LDAH: variants seen among roughly 807,000 people sequenced by gnomAD.
LDAH encodes lipid droplet associated hydrolase.
In LDAH, 26 loss-of-function variants were observed where a neutral mutation model predicts 29.6. The observed-to-expected ratio is 0.88, with a 90% CI of 0.64 to 1.22. The LOEUF is 1.22. Ranked by LOEUF, LDAH falls within the 50% of genes most tolerant of loss-of-function variation. LDAH has a pLI of 0.00. For missense variants in LDAH, 344 were observed against 387.3 expected (o/e 0.89, Z 0.94); for synonymous variants, 117 against 133.0 (o/e 0.88, Z 0.83).
intron 4 of LDAH, among the ~76,000 whole-genome samples, chr2:20,760,203 T>A (rs949601320): frequency 2.0e-5 from 3 of 151,964 alleles, no homozygotes; most frequent in African/African-American, 7.3e-5. Context: ...GGTAAGATAG[T>A]GTAAAAGCAG....
chr2:20,701,561 A>C lies in LDAH; in HGVS notation c.786+9T>G. The C allele has an allele frequency of 1.2e-6, 2 of 1,612,194 alleles. No homozygotes were observed. Among genetic ancestry groups the C allele is most frequent in the Non-Finnish European group, 1.7e-6 (2 of 1,178,348 alleles). On this transcript the variant is annotated intron_variant, in intron 6 of 6. Transcript: ENST00000237822. ...ATTATCTATCCCCTTGCAGCACTAA[A>C]GTGATTACCTTACATAAATGCTCCT... is the stretch of plus-strand genomic sequence containing the variant.
At chr2:20,747,185 C>A (rs900580225) in intron 4 of LDAH, among the ~76,000 whole-genome samples, 2 of 152,024 alleles carry the variant, frequency 1.3e-5, no homozygotes, top group Admixed American at 6.6e-5. Flanking sequence ...AAAGACTTCA[C>A]CTGTTTATAT....
intron 5 of LDAH, among the ~76,000 whole-genome samples, chr2:20,729,339 T>A (rs769103522): frequency 6.6e-6 from 1 of 152,190 alleles, no homozygotes; most frequent in Non-Finnish European, 1.5e-5. Context: ...CTTGATTATA[T>A]GTTATATGTG....
At position 20,790,414 on chromosome 2, in the gene LDAH, C is replaced by T. The variant is rs1670868173; in HGVS notation, c.155-16G>A. Reference sequence around the variant, plus strand: ...CCTGGGTTACCTAAGAAAAGAAACACAGACCTTAGATTAATCAAAGTAATA... The same window carrying T: ...CCTGGGTTACCTAAGAAAAGAAACATAGACCTTAGATTAATCAAAGTAATA... On this transcript the variant is annotated splice_polypyrimidine_tract_variant and intron_variant, in intron 2 of 6. Transcript: ENST00000237822. The T allele has an allele frequency of 2.5e-6, 4 of 1,610,268 alleles. No homozygotes were observed. The highest frequency in any genetic ancestry group is 3.4e-6 in the Non-Finnish European group (4 of 1,178,266).
chr2:20,818,843 T>C (rs1345155551), intron 1 of LDAH, among the ~76,000 whole-genome samples: 3 of 152,168 alleles, frequency 2.0e-5, no homozygotes, highest in Non-Finnish European at 4.4e-5. Flanking sequence ...GTCCAAGTGG[T>C]AATGAGTGTA....
chr2:20,808,288 G>A (rs1025998854), intron 1 of LDAH, among the ~76,000 whole-genome samples: 1 of 152,158 alleles, frequency 6.6e-6, no homozygotes, highest in South Asian at 2.1e-4. Context: ...TCCAAATCAG[G>A]TCTTTTCCCT....
intron 1 of LDAH, among the ~76,000 whole-genome samples, chr2:20,818,943 T>C (rs188906352): frequency 6.6e-6 from 1 of 152,244 alleles, no homozygotes; most frequent in Non-Finnish European, 1.5e-5. Context: ...TTAATGACTT[T>C]TACATTTTCA....
At chr2:20,778,890 GTTTAAA>G (rs758218204) in intron 3 of LDAH, among the ~76,000 whole-genome samples, 18 of 150,988 alleles carry the variant, frequency 1.2e-4, no homozygotes, top group Non-Finnish European at 2.5e-4. Flanking sequence ...AAGCAAAACA[GTTTAAA>G]TTTAACTACA....
At chr2:20,766,807 A>T (rs1669070581) in intron 4 of LDAH, among the ~76,000 whole-genome samples, 1 of 152,216 alleles carries the variant, frequency 6.6e-6, no homozygotes, top group South Asian at 2.1e-4. Flanking sequence ...CAGGAGCTGC[A>T]ATGGCGGTGG....
intron 6 of LDAH, among the ~76,000 whole-genome samples, chr2:20,699,671 A>G (rs367912135): frequency 2.0e-4 from 31 of 152,320 alleles, no homozygotes; most frequent in African/African-American, 7.5e-4. Context: ...TGCTATCTCA[A>G]AAACAAAACT....
chr2:20,767,883 T>A (rs1572585431), intron 4 of LDAH, among the ~76,000 whole-genome samples: 1 of 151,988 alleles, frequency 6.6e-6, no homozygotes, highest in South Asian at 2.1e-4. Flanking sequence ...TGCCAAGAGA[T>A]CCAGACAAAG....
intron 5 of LDAH, among the ~76,000 whole-genome samples, chr2:20,731,274 C>T (rs1666383996): frequency 1.3e-5 from 2 of 152,202 alleles, no homozygotes; most frequent in South Asian, 4.2e-4. Context: ...AACACCATCC[C>T]CCTTGGTGCT....
intron 2 of LDAH, among the ~76,000 whole-genome samples, chr2:20,800,921 T>A (rs1671614266): frequency 6.6e-6 from 1 of 152,186 alleles, no homozygotes; most frequent in African/African-American, 2.4e-5. Flanking sequence ...CGTGAGCCAT[T>A]GCACCTGGCC....
chr2:20,764,036 C>T (rs1345665499), intron 4 of LDAH, among the ~76,000 whole-genome samples: 1 of 151,424 alleles, frequency 6.6e-6, no homozygotes, highest in Admixed American at 6.6e-5. Flanking sequence ...ATGAAAAAAG[C>T]CCACACAATT....
At chr2:20,737,759 T>A (rs1030890578) in intron 5 of LDAH, among the ~76,000 whole-genome samples, 4 of 152,104 alleles carry the variant, frequency 2.6e-5, no homozygotes, top group African/African-American at 9.7e-5. Context: ...AGAGACTTCA[T>A]TTTGAGTGTG....
intron 5 of LDAH, among the ~76,000 whole-genome samples, chr2:20,739,073 C>T (rs1667001989): frequency 6.6e-6 from 1 of 152,350 alleles, no homozygotes; most frequent in South Asian, 2.1e-4. Flanking sequence ...TAACTTTGGG[C>T]AATCATGTAA....
chr2:20,696,312 A>C (rs2149342842), intron 6 of LDAH, among the ~76,000 whole-genome samples: 1 of 152,320 alleles, frequency 6.6e-6, no homozygotes, highest in East Asian at 1.9e-4. Context: ...AGGCAGGCTA[A>C]GAGGGATGGG....
In LDAH at chr2:20,747,527, G is replaced by A. The variant is rs576478415; in HGVS notation, c.469-7322C>T. Reference sequence around the variant, plus strand: ...TAGCTGTCAAAACATAGGTCTAGAAGTAATCCTAGTTTAGTTTATCTCCTC... The same window carrying A: ...TAGCTGTCAAAACATAGGTCTAGAAATAATCCTAGTTTAGTTTATCTCCTC... On this transcript the variant is annotated intron_variant, in intron 4 of 6. Coordinates refer to ENST00000237822, the MANE Select transcript of LDAH (RefSeq NM_021925.4). Among the ~76,000 whole-genome samples, 6 of 152,302 alleles carry A rather than the reference G, an allele frequency of 3.9e-5. No homozygotes were observed. In the South Asian group the frequency reaches 1.2e-3, roughly 32 times the overall value.
intron 3 of LDAH, chr2:20,789,490 C>A: frequency 8.3e-7 from 1 of 1,203,840 alleles, no homozygotes; most frequent in Non-Finnish European, 1.1e-6. Flanking sequence ...CCCAAACTGA[C>A]TAAGACACAT....
Sources: allele counts gnomAD v4.1 joint callset (sites outside exome capture counted in the v4.1 genomes callset), GRCh38; gene constraint gnomAD v4.1.1; transcripts MANE v1.5; gene names NCBI Gene and HGNC (gene_info 2026-07-23, HGNC 2026-07-21).